Variants in KCNT2 observed in about 807,000 individuals in gnomAD.
KCNT2 encodes the protein potassium channel subfamily T member 2.
Under a neutral mutation model 153.8 loss-of-function variants are expected in KCNT2, and 67 were observed. That is an observed-to-expected ratio of 0.44 (90% CI 0.36 to 0.53). KCNT2 has a LOEUF of 0.53. Among genes scored for constraint, KCNT2 ranks in the 20% least tolerant of loss-of-function variants. KCNT2 has a pLI of 0.00. For missense variants in KCNT2, 975 were observed against 1,354.8 expected (o/e 0.72, Z 4.40); for synonymous variants, 500 against 458.8 (o/e 1.09, Z -1.15).
chr1:196,340,065 G>A (rs959060957), intron 16 of KCNT2, among the ~76,000 whole-genome samples: 1 of 151,912 alleles, frequency 6.6e-6, no homozygotes, highest in East Asian at 1.9e-4. Flanking sequence ...TGCCCAGGCT[G>A]TTCTCAAACT....
intron 14 of KCNT2, among the ~76,000 whole-genome samples, chr1:196,366,724 T>C (rs1332221361): frequency 6.6e-6 from 1 of 152,128 alleles, no homozygotes; most frequent in Non-Finnish European, 1.5e-5. Context: ...GCAGAAATAT[T>C]TGTATTTTAC....
chr1:196,305,990 CA>C (rs903499603), intron 21 of KCNT2, among the ~76,000 whole-genome samples: 22 of 151,926 alleles, frequency 1.4e-4, no homozygotes, highest in Admixed American at 1.0e-3. Flanking sequence ...AAATATATAC[CA>C]AAATGAGCAC....
chr1:196,370,722 A>G (rs1668452969), intron 14 of KCNT2, among the ~76,000 whole-genome samples: 1 of 152,130 alleles, frequency 6.6e-6, no homozygotes, highest in Non-Finnish European at 1.5e-5. Context: ...ACGCAAGAAA[A>G]TGAAAGCCTA....
At chr1:196,378,936 T>C (rs1052383586) in intron 13 of KCNT2, among the ~76,000 whole-genome samples, 5 of 150,842 alleles carry the variant, frequency 3.3e-5, no homozygotes, top group African/African-American at 9.7e-5. Context: ...TTTTTAGTAA[T>C]AGACGCTCTT....
At chr1:196,250,565 G>C (rs1019383353) in intron 26 of KCNT2, among the ~76,000 whole-genome samples, 6 of 151,918 alleles carry the variant, frequency 3.9e-5, no homozygotes, top group African/African-American at 1.5e-4. Flanking sequence ...CATTGGACTG[G>C]GTAATGATTT....
intron 26 of KCNT2, among the ~76,000 whole-genome samples, chr1:196,252,669 A>G (rs779485550): frequency 2.0e-5 from 3 of 151,558 alleles, no homozygotes; most frequent in African/African-American, 4.8e-5. Flanking sequence ...ATGTTTACCT[A>G]TATATTTACT....
chr1:196,282,273 A>C lies in KCNT2; in HGVS notation c.2781T>G (p.Ser927=). The part of the protein sequence containing the change: ...DTTPGSGFLC[S]MKITADDLWI... ...TTTATTCTAGAGATTATTAACTTAC[A>C]GAACAAAGAAACCCAGATCCTGGTG... The change falls in exon 24 of 28, where the codon TCT becomes TCG. Residue 927 remains serine (S), a splice_region_variant and synonymous_variant. Coordinates refer to ENST00000294725, the MANE Select transcript of KCNT2 (RefSeq NM_198503.5). 6.5e-7 allele frequency: 1 copy of C among 1,548,966 alleles called. No individual in the cohort carries two copies. Among genetic ancestry groups the C allele is most frequent in the Non-Finnish European group, 8.9e-7 (1 of 1,122,480 alleles).
At position 196,608,344 on chromosome 1, in the gene KCNT2, A is replaced by G; in HGVS notation, c.-35T>C. 6.8e-7 allele frequency: 1 copy of G among 1,473,012 alleles called. No homozygotes were observed. Among genetic ancestry groups the G allele is most frequent in the Non-Finnish European group, 9.5e-7 (1 of 1,053,558 alleles). 91.2% of individuals were successfully genotyped at this position (1,473,012 alleles called of 1,614,324 possible). Reference sequence around the variant, plus strand: ...AAGAGTGGGAAACATCAAACAACAAATGGAGGAGAGGAGGGAGAAAGAAAG... The same window carrying G: ...AAGAGTGGGAAACATCAAACAACAAGTGGAGGAGAGGAGGGAGAAAGAAAG... On this transcript the variant is annotated 5_prime_UTR_variant, in exon 1 of 28. Transcript: ENST00000294725.
chr1:196,347,781 G>A (rs929791049), intron 14 of KCNT2, among the ~76,000 whole-genome samples: 1 of 152,094 alleles, frequency 6.6e-6, no homozygotes, highest in African/African-American at 2.4e-5. Flanking sequence ...ACAAGACACT[G>A]TCTCTTATGT....
chr1:196,244,880 C>G (rs1344195524), intron 26 of KCNT2, among the ~76,000 whole-genome samples: 3 of 152,090 alleles, frequency 2.0e-5, no homozygotes, highest in African/African-American at 7.2e-5. Flanking sequence ...CAGTGGTTAC[C>G]ACAAGCCTTG....
At chr1:196,297,527 A>C (rs1413103179) in intron 22 of KCNT2, among the ~76,000 whole-genome samples, 1 of 152,172 alleles carries the variant, frequency 6.6e-6, no homozygotes, top group Non-Finnish European at 1.5e-5. Context: ...AAATATTATT[A>C]ATAGACAAAT....
chr1:196,339,947 TA>T (rs138045326), intron 16 of KCNT2, among the ~76,000 whole-genome samples: 7,531 of 152,032 alleles, frequency 0.05, 281 homozygotes, highest in Non-Finnish European at 0.071. Flanking sequence ...AAAAGAAATA[TA>T]AAAGTGTGTG....
intron 1 of KCNT2, among the ~76,000 whole-genome samples, chr1:196,597,525 T>C (rs1664234369): frequency 6.6e-6 from 1 of 151,944 alleles, no homozygotes; most frequent in Admixed American, 6.6e-5. Flanking sequence ...GATAGGAGAG[T>C]GGATAAGAAT....
chr1:196,408,962 A>G (rs1672062717), intron 12 of KCNT2, among the ~76,000 whole-genome samples: 1 of 151,530 alleles, frequency 6.6e-6, no homozygotes, highest in Non-Finnish European at 1.5e-5. Flanking sequence ...AGAAGTGTTG[A>G]AAATTATAAG....
chr1:196,310,679 A>C (rs986158064), intron 21 of KCNT2, among the ~76,000 whole-genome samples: 4 of 151,854 alleles, frequency 2.6e-5, no homozygotes, highest in African/African-American at 9.7e-5. Flanking sequence ...AAAAAACAGA[A>C]ACAAATAAAC....
At chr1:196,474,994 C>G (rs1196812084) in intron 5 of KCNT2, among the ~76,000 whole-genome samples, 1 of 152,116 alleles carries the variant, frequency 6.6e-6, no homozygotes, top group Non-Finnish European at 1.5e-5. Flanking sequence ...GTTTTCAAAA[C>G]CTACAGTCTC....
chr1:196,508,331 G>T (rs1027387066), intron 1 of KCNT2, among the ~76,000 whole-genome samples: 5 of 150,786 alleles, frequency 3.3e-5, no homozygotes, highest in Non-Finnish European at 7.4e-5. Context: ...TAATATTTTT[G>T]ACCTTTGAAC....
intron 10 of KCNT2, among the ~76,000 whole-genome samples, chr1:196,427,446 C>A (rs1673752368): frequency 6.6e-6 from 1 of 151,946 alleles, no homozygotes; most frequent in African/African-American, 2.4e-5. Context: ...AAATACAAGA[C>A]CTTCAACAGA....
At chr1:196,605,884 A>G (rs778170278) in intron 1 of KCNT2, among the ~76,000 whole-genome samples, 164 of 152,236 alleles carry the variant, frequency 1.1e-3, no homozygotes, top group Non-Finnish European at 2.2e-3. Context: ...AATTATTCTT[A>G]TAAGTTCAAA....
Sources: allele counts gnomAD v4.1 joint callset (sites outside exome capture counted in the v4.1 genomes callset), GRCh38; gene constraint gnomAD v4.1.1; transcripts MANE v1.5; gene names NCBI Gene and HGNC (gene_info 2026-07-23, HGNC 2026-07-21).